The following KCNB2 variants were observed in gnomAD, a reference collection of about 807,000 sequenced individuals.
KCNB2 encodes delayed rectifier potassium channel protein.
In KCNB2, 15 loss-of-function variants were observed where a neutral mutation model predicts 61.5. That is an observed-to-expected ratio of 0.24 (90% CI 0.16 to 0.38). KCNB2 has a LOEUF of 0.38. Among genes scored for constraint, KCNB2 ranks in the 10% least tolerant of loss-of-function variants. KCNB2 has a pLI of 1.00. For synonymous variants in KCNB2, 457 were observed against 446.0 expected (o/e 1.02, Z -0.31); for missense variants, 828 against 1,125.2 (o/e 0.74, Z 3.78).
intron 1 of KCNB2, among the ~76,000 whole-genome samples, chr8:72,560,599 A>G (rs1806496268): frequency 1.3e-5 from 2 of 152,182 alleles, no homozygotes; most frequent in African/African-American, 2.4e-5. Context: ...ATTTAGAAGG[A>G]CACACCTTGG....
intron 2 of KCNB2, among the ~76,000 whole-genome samples, chr8:72,841,867 A>C (rs1249459041): frequency 6.7e-6 from 1 of 149,798 alleles, no homozygotes; most frequent in Admixed American, 6.6e-5. Context: ...CAATCATGTC[A>C]TCTGCAAACA....
Position 72,936,827 on chromosome 8 carries a change from G to A in KCNB2, c.1472G>A (p.Arg491Gln), listed in dbSNP as rs761567231. Residue 491 changes from arginine to glutamine, a missense_variant, in exon 3 of 3, where the codon CGG becomes CAG. Physicochemically the swap from Arg to Gln is conservative, Grantham distance 43. Transcript: ENST00000523207. This position sits in a 1 kb window ranked among gnomAD's most constrained non-coding sequence, Gnocchi z 5.6. Reference sequence around the variant, plus strand: ...GACGATAATCACCTGTCGCCAAGCCGGTGGAAGTGGGCCAGGAAGGCTCTG... The same window carrying A: ...GACGATAATCACCTGTCGCCAAGCCAGTGGAAGTGGGCCAGGAAGGCTCTG... ...SADDNHLSPSRWKWARKALSE... is the reference protein window; with the variant it reads ...SADDNHLSPSQWKWARKALSE... 1 of 1,614,098 alleles carries A rather than the reference G, an allele frequency of 6.2e-7. No homozygotes were observed. The highest frequency in any genetic ancestry group is 1.1e-5 in the South Asian group (1 of 91,078).
intron 1 of KCNB2, among the ~76,000 whole-genome samples, chr8:72,541,286 A>G (rs1806184487): frequency 6.6e-6 from 1 of 152,050 alleles, no homozygotes; most frequent in Non-Finnish European, 1.5e-5. Context: ...AGTTATTATT[A>G]TAGCACTTAC....
At chr8:72,610,012 A>T (rs1176121241) in intron 2 of KCNB2, among the ~76,000 whole-genome samples, 1 of 152,180 alleles carries the variant, frequency 6.6e-6, no homozygotes, top group East Asian at 1.9e-4. Flanking sequence ...AAAACCTAAA[A>T]TAGATTTTTG....
intron 2 of KCNB2, among the ~76,000 whole-genome samples, chr8:72,696,152 AT>A: frequency 6.6e-6 from 1 of 152,120 alleles, no homozygotes; most frequent in Admixed American, 6.6e-5. Context: ...TCCTTCCTCT[AT>A]TTTTACGTCC....
intron 2 of KCNB2, among the ~76,000 whole-genome samples, chr8:72,912,950 T>C (rs1168166115): frequency 3.3e-5 from 5 of 152,104 alleles, no homozygotes; most frequent in Admixed American, 3.3e-4. Context: ...TTGTTGCTGT[T>C]TTGCTCAGAA....
intron 2 of KCNB2, among the ~76,000 whole-genome samples, chr8:72,621,796 A>G (rs1805716928): frequency 6.6e-6 from 1 of 152,222 alleles, no homozygotes; most frequent in Non-Finnish European, 1.5e-5. Flanking sequence ...GGATCTAATG[A>G]AATCTGTGGC....
chr8:72,858,342 T>C (rs1183640896), intron 2 of KCNB2, among the ~76,000 whole-genome samples: 3 of 152,170 alleles, frequency 2.0e-5, no homozygotes, highest in Non-Finnish European at 4.4e-5. Flanking sequence ...TCAAGATATG[T>C]CTTTAGAGGA....
At chr8:72,778,338 G>A (rs905229615) in intron 2 of KCNB2, among the ~76,000 whole-genome samples, 3 of 152,016 alleles carry the variant, frequency 2.0e-5, no homozygotes, top group African/African-American at 4.8e-5. Context: ...CAATCCTTTC[G>A]GTGCAGCAGT....
intron 2 of KCNB2, among the ~76,000 whole-genome samples, chr8:72,926,633 ACT>A (rs1396719555): frequency 6.6e-6 from 1 of 152,004 alleles, no homozygotes; most frequent in Non-Finnish European, 1.5e-5. Context: ...GTCAAGGATC[ACT>A]CTCTTTCTAC....
At chr8:72,681,020 G>T (rs923653341) in intron 2 of KCNB2, among the ~76,000 whole-genome samples, 1 of 152,160 alleles carries the variant, frequency 6.6e-6, no homozygotes, top group Non-Finnish European at 1.5e-5. Flanking sequence ...AGAAATAAAG[G>T]AGCAAACATG....
chr8:72,715,599 T>G (rs1420825705), intron 2 of KCNB2, among the ~76,000 whole-genome samples: 1 of 149,778 alleles, frequency 6.7e-6, no homozygotes, highest in Non-Finnish European at 1.5e-5. Context: ...AATAAAGATG[T>G]TCTTTGAAAC....
At chr8:72,892,159 T>C (rs1805906867) in intron 2 of KCNB2, among the ~76,000 whole-genome samples, 2 of 152,200 alleles carry the variant, frequency 1.3e-5, no homozygotes, top group Admixed American at 1.3e-4. Flanking sequence ...AGGTTCTTCA[T>C]TTTAAACCCC....
At chr8:72,667,468 AC>A (rs2128987884) in intron 2 of KCNB2, among the ~76,000 whole-genome samples, 1 of 152,084 alleles carries the variant, frequency 6.6e-6, no homozygotes, top group Admixed American at 6.5e-5. Context: ...TTTTTATCCC[AC>A]AAGCATTTTC....
At chr8:72,725,571 A>G (rs764195405) in intron 2 of KCNB2, among the ~76,000 whole-genome samples, 44,684 of 89,514 alleles carry the variant, frequency 0.5, 11,439 homozygotes, top group Non-Finnish European at 0.55. Context: ...ATATGTATAT[A>G]TATGTATATA....
intron 2 of KCNB2, among the ~76,000 whole-genome samples, chr8:72,850,754 GA>G (rs1172985250): frequency 6.6e-6 from 1 of 152,186 alleles, no homozygotes; most frequent in Middle Eastern, 3.2e-3. Flanking sequence ...ATGAGATGCA[GA>G]AAGTTAAGAC....
intron 2 of KCNB2, among the ~76,000 whole-genome samples, chr8:72,911,888 C>A (rs995289593): frequency 6.6e-6 from 1 of 152,202 alleles, no homozygotes; most frequent in East Asian, 1.9e-4. Flanking sequence ...ACAACAGGAA[C>A]TAACACATGT....
chr8:72,924,680 T>C (rs1806600036), intron 2 of KCNB2, among the ~76,000 whole-genome samples: 1 of 152,160 alleles, frequency 6.6e-6, no homozygotes, highest in Non-Finnish European at 1.5e-5. Context: ...AAACACCTCC[T>C]CAGTCTCTAA....
intron 2 of KCNB2, among the ~76,000 whole-genome samples, chr8:72,597,065 C>T (rs887152627): frequency 2.4e-5 from 3 of 123,456 alleles, no homozygotes; most frequent in African/African-American, 3.3e-5. Context: ...CATTCTGTCA[C>T]CAGGCTGGAG....
Sources: allele counts gnomAD v4.1 joint callset (sites outside exome capture counted in the v4.1 genomes callset), GRCh38; gene constraint gnomAD v4.1.1; non-coding constraint Gnocchi (gnomAD v3.1); transcripts MANE v1.5; gene names NCBI Gene and HGNC (gene_info 2026-07-23, HGNC 2026-07-21).